SMARCC1: variants seen among roughly 807,000 people sequenced by gnomAD.
SMARCC1 encodes the protein SWI/SNF related BAF chromatin remodeling complex subunit C1, also known as SWI/SNF complex subunit SMARCC1.
In SMARCC1, 43 loss-of-function variants were observed where a neutral mutation model predicts 147.4. That is an observed-to-expected ratio of 0.29 (90% CI 0.23 to 0.38). The LOEUF (loss-of-function observed/expected upper bound fraction) is 0.38. SMARCC1 is among the 10% of genes least tolerant of loss of function. The pLI, the probability that SMARCC1 is intolerant of heterozygous loss-of-function variation, is 1.00. For missense variants in SMARCC1, 1,119 were observed against 1,381.1 expected (o/e 0.81, Z 3.01); for synonymous variants, 495 against 484.4 (o/e 1.02, Z -0.29).
intron 6 of SMARCC1, among the ~76,000 whole-genome samples, chr3:47,723,584 C>T (rs550904824): frequency 3.3e-5 from 5 of 151,936 alleles, no homozygotes; most frequent in Admixed American, 6.6e-5. Flanking sequence ...GAGGTCAAGG[C>T]GGCAGATCAC....
intron 22 of SMARCC1, among the ~76,000 whole-genome samples, chr3:47,637,851 A>G (rs2032992518): frequency 6.6e-6 from 1 of 152,054 alleles, no homozygotes; most frequent in African/African-American, 2.4e-5. Context: ...CTCTTCACAC[A>G]CTGGCTTTAG....
At chr3:47,687,606 C>G (rs916914955) in intron 13 of SMARCC1, among the ~76,000 whole-genome samples, 2 of 152,086 alleles carry the variant, frequency 1.3e-5, no homozygotes, top group Non-Finnish European at 2.9e-5. Flanking sequence ...TAGCTGGGAC[C>G]ATAGGCAGGT....
intron 26 of SMARCC1, among the ~76,000 whole-genome samples, chr3:47,594,221 A>C (rs1163957906): frequency 6.6e-6 from 1 of 152,136 alleles, no homozygotes; most frequent in Non-Finnish European, 1.5e-5. Context: ...TTTTTAAAGC[A>C]AAGTACATCA....
In SMARCC1 at chr3:47,706,482, G is replaced by A; in HGVS notation, c.967C>T (p.Arg323Ter). The change falls in exon 10 of 28, where the codon CGA becomes TGA. Residue 323 changes from arginine (R) to a stop codon, truncating the protein, a stop_gained. Coordinates refer to ENST00000254480, the MANE Select transcript of SMARCC1 (RefSeq NM_003074.4). LOFTEE classifies it high-confidence loss of function. ...RRDRKASANA[R>*]KRKHSPSPPP... The stretch of plus-strand genomic sequence containing the variant: ...GGCGAAGGCGAATGTTTCCTCTTTC[G>A]AGCATTAGCTGATGCTTTTCTATCT... 1 of 1,581,240 alleles carries A rather than the reference G, an allele frequency of 6.3e-7. No homozygotes were observed. The highest frequency in any genetic ancestry group is 8.6e-7 in the Non-Finnish European group (1 of 1,167,480).
chr3:47,616,516 G>T (rs2032648204), intron 25 of SMARCC1, among the ~76,000 whole-genome samples: 1 of 151,740 alleles, frequency 6.6e-6, no homozygotes, highest in South Asian at 2.1e-4. Context: ...CATGATCTCT[G>T]CACGCTGCAA....
chr3:47,749,766 G>GAGAGAGA (rs2034607927), intron 2 of SMARCC1, among the ~76,000 whole-genome samples: 2 of 131,830 alleles, frequency 1.5e-5, no homozygotes, highest in South Asian at 2.7e-4. Flanking sequence ...GAGAGAGAGA[G>GAGAGAGA]GTGGCGGGGA....
At chr3:47,775,286 G>A (rs1214895162) in intron 1 of SMARCC1, among the ~76,000 whole-genome samples, 33 of 149,724 alleles carry the variant, frequency 2.2e-4, no homozygotes, top group Admixed American at 2.0e-3. Flanking sequence ...TCAGCCTCCC[G>A]AGTAGCTGGG....
At chr3:47,649,540 C>T (rs1430810382) in intron 21 of SMARCC1, among the ~76,000 whole-genome samples, 1 of 152,158 alleles carries the variant, frequency 6.6e-6, no homozygotes, top group African/African-American at 2.4e-5. Context: ...ACCTGTATTC[C>T]ACAGGCTGTT....
intron 26 of SMARCC1, 47 bp downstream of exon 26, chr3:47,610,019 T>C (rs1268405382): frequency 1.2e-6 from 2 of 1,601,160 alleles, no homozygotes; most frequent in Admixed American, 3.3e-5. Context: ...GCTCTGTGCC[T>C]CTGTAGTGAC....
chr3:47,643,161 T>G (rs2033071376), intron 21 of SMARCC1, among the ~76,000 whole-genome samples: 1 of 152,232 alleles, frequency 6.6e-6, no homozygotes, highest in African/African-American at 2.4e-5. Flanking sequence ...TATTCAAGAA[T>G]GTTCACTACT....
rs2032079531 is a variant in SMARCC1, at chr3:47,586,919, T to C, written c.*1290A>G. The stretch of plus-strand genomic sequence containing the variant: ...CATTTTTGTGGCTTGTCCTCTGGAA[T>C]GGCATTCTACCCTCCCAGCCTGAGC... On this transcript the variant is annotated 3_prime_UTR_variant, in exon 28 of 28. Transcript: ENST00000254480. 1 of 152,548 alleles carries C rather than the reference T, an allele frequency of 6.6e-6. No individual in the cohort carries two copies. Among genetic ancestry groups the C allele is most frequent in the East Asian group, 1.9e-4 (1 of 5,182 alleles). The allele number at this position is 152,548 out of a possible 1,614,324, so 9.4% of individuals were successfully genotyped here.
At chr3:47,598,647 T>C (rs546133914) in intron 26 of SMARCC1, among the ~76,000 whole-genome samples, 4 of 151,868 alleles carry the variant, frequency 2.6e-5, no homozygotes, top group South Asian at 2.1e-4. Flanking sequence ...CTGGCCAACA[T>C]AGTGAAACCT....
At chr3:47,765,474 A>G (rs2034828345) in intron 2 of SMARCC1, among the ~76,000 whole-genome samples, 1 of 151,826 alleles carries the variant, frequency 6.6e-6, no homozygotes, top group Admixed American at 6.6e-5. Flanking sequence ...TAAAAAAAAA[A>G]AGAAAGAAAC....
At chr3:47,746,040 A>G in intron 2 of SMARCC1, 47 bp from the exon 3 acceptor site, 1 of 1,189,904 alleles carries the variant, frequency 8.4e-7, no homozygotes, top group South Asian at 1.4e-5. Flanking sequence ...GCTTCTGACA[A>G]AATTACTCAT....
At chr3:47,661,185 A>G in intron 21 of SMARCC1, 109 bp downstream of exon 21, 1 of 914,774 alleles carries the variant, frequency 1.1e-6, no homozygotes, top group South Asian at 1.8e-5. Context: ...ACAAGTTTAT[A>G]CTGATCATTG....
At chr3:47,738,664 C>T (rs560059595) in intron 3 of SMARCC1, among the ~76,000 whole-genome samples, 2 of 150,682 alleles carry the variant, frequency 1.3e-5, no homozygotes, top group African/African-American at 2.4e-5. Context: ...AGCCTGGTGA[C>T]AGAGCAAGAC....
intron 2 of SMARCC1, among the ~76,000 whole-genome samples, chr3:47,759,618 C>CAAAA (rs796811233): frequency 1.6e-5 from 1 of 63,796 alleles, no homozygotes. Flanking sequence ...GACTCCGTCT[C>CAAAA]AAAAAAAAAA....
intron 11 of SMARCC1, among the ~76,000 whole-genome samples, chr3:47,695,337 A>G (rs2033835925): frequency 6.6e-6 from 1 of 152,226 alleles, no homozygotes; most frequent in Non-Finnish European, 1.5e-5. Context: ...TGTACTTTAC[A>G]ATAATTAATT....
intron 7 of SMARCC1, among the ~76,000 whole-genome samples, chr3:47,718,037 G>T (rs766177349): frequency 6.7e-6 from 1 of 150,354 alleles, no homozygotes; most frequent in Admixed American, 6.7e-5. Flanking sequence ...GGTGGCACGT[G>T]CCCGTAGTGC....
Sources: gnomAD v4.1 joint callset for allele counts (sites outside exome capture counted in the v4.1 genomes callset) on GRCh38, gnomAD v4.1.1 for gene constraint, MANE v1.5 for transcripts, NCBI Gene and HGNC (gene_info 2026-07-23, HGNC 2026-07-21) for gene names.